LRP1B: variants seen among roughly 807,000 people sequenced by gnomAD.
LRP1B encodes LDL receptor related protein 1B.
LRP1B carries 217 observed loss-of-function variants against 556.6 expected under a neutral mutation model. The observed-to-expected ratio is 0.39, with a 90% CI of 0.35 to 0.44. The LOEUF is 0.44. LRP1B is among the 20% of genes least tolerant of loss of function. The pLI is 1.00. For synonymous variants in LRP1B, 2,047 were observed against 1,865.8 expected, an observed-to-expected ratio of 1.10 and a Z score of -2.50; for missense variants, 5,053 against 5,620.8, an observed-to-expected ratio of 0.90 and a Z score of 3.23.
chr2:140,542,013 A>G, intron 43 of LRP1B, 42 bp from the exon 44 acceptor site: 3 of 1,395,828 alleles, frequency 2.1e-6, no homozygotes, highest in Middle Eastern at 2.0e-4. Context: ...ATGAATATAT[A>G]GACATTTATA....
At chr2:141,966,734 A>G (rs1701576675) in intron 1 of LRP1B, among the ~76,000 whole-genome samples, 1 of 151,776 alleles carries the variant, frequency 6.6e-6, no homozygotes, top group Non-Finnish European at 1.5e-5. Flanking sequence ...CCTGGAATCT[A>G]CCTGACTCTA....
chr2:140,364,748 T>C lies in LRP1B; in HGVS notation c.11044A>G (p.Asn3682Asp), dbSNP rs772395849. ...NICRADEFLC[N>D]NSLCKLHFWV... ...AAATGTAGTTTGCAGAGAGAATTAT[T>C]GCAAAGGAACTCATCAGCTCTACAT... Residue 3682 changes from asparagine to aspartate, a missense_variant, in exon 72 of 91, where the codon AAT (asparagine) becomes GAT (aspartate). Around this residue, in one of 5 missense-constraint regions of LRP1B, gnomAD observed 599 missense variants for 648.4 expected, o/e 0.92. Transcript: ENST00000389484. 6.2e-7 allele frequency: 1 copy of C among 1,610,278 alleles called. No homozygotes were observed. Among genetic ancestry groups the C allele is most frequent in the Non-Finnish European group, 8.5e-7 (1 of 1,177,414 alleles).
intron 1 of LRP1B, among the ~76,000 whole-genome samples, chr2:141,958,669 C>T (rs1701328345): frequency 6.6e-6 from 1 of 151,744 alleles, no homozygotes; most frequent in African/African-American, 2.4e-5. Flanking sequence ...AAGGCAAAAT[C>T]AGAATAAAGT....
At chr2:142,075,810 A>G (rs1292281875) in intron 1 of LRP1B, among the ~76,000 whole-genome samples, 1 of 152,116 alleles carries the variant, frequency 6.6e-6, no homozygotes, top group Non-Finnish European at 1.5e-5. Context: ...AGGGAAGTTC[A>G]GGGCAAAGCA....
In LRP1B at chr2:140,787,278, T is replaced by A. The variant is rs569454758; in HGVS notation, c.5360-11040A>T. Among the ~76,000 whole-genome samples, 8 of 152,318 alleles carry A rather than the reference T, an allele frequency of 5.3e-5. No homozygotes were observed. The South Asian group carries it at 1.7e-3, about 32-fold the overall frequency. On this transcript the variant is annotated intron_variant, in intron 32 of 90. Transcript: ENST00000389484. ...AAAGGATAAATCCCAAACATCTCTG[T>A]GCCATTTTGTGCTGGCCTCAATTTA...
chr2:141,844,484 G>C (rs1357778451), intron 1 of LRP1B, among the ~76,000 whole-genome samples: 1 of 152,050 alleles, frequency 6.6e-6, no homozygotes, highest in African/African-American at 2.4e-5. Context: ...TGACAGAGTG[G>C]CAGTTTTTGT....
chr2:141,831,755 A>T (rs1049810022), intron 1 of LRP1B, among the ~76,000 whole-genome samples: 1 of 151,692 alleles, frequency 6.6e-6, no homozygotes, highest in African/African-American at 2.4e-5. Context: ...ATATAGTATT[A>T]TATACAAATT....
intron 2 of LRP1B, among the ~76,000 whole-genome samples, chr2:141,620,460 T>C (rs1339332979): frequency 6.6e-6 from 1 of 152,218 alleles, no homozygotes; most frequent in Non-Finnish European, 1.5e-5. Flanking sequence ...AAACCATGAA[T>C]TAAATAGAAA....
intron 15 of LRP1B, among the ~76,000 whole-genome samples, chr2:141,002,627 G>A (rs1697459210): frequency 6.6e-6 from 1 of 151,940 alleles, no homozygotes; most frequent in African/African-American, 2.4e-5. Context: ...TATTGCTTAG[G>A]AAATAATTAC....
chr2:142,128,857 T>G (rs1431828624), intron 1 of LRP1B, among the ~76,000 whole-genome samples: 1 of 152,248 alleles, frequency 6.6e-6, no homozygotes, highest in African/African-American at 2.4e-5. Flanking sequence ...TTATTTAATA[T>G]TCTATCTCAG....
intron 2 of LRP1B, among the ~76,000 whole-genome samples, chr2:141,741,034 G>T (rs1008721584): frequency 6.6e-6 from 1 of 151,946 alleles, no homozygotes; most frequent in African/African-American, 2.4e-5. Context: ...GTCTTTTTGC[G>T]CCTGCCTTAT....
intron 66 of LRP1B, among the ~76,000 whole-genome samples, chr2:140,398,031 C>T (rs2105222247): frequency 6.6e-6 from 1 of 152,136 alleles, no homozygotes; most frequent in Admixed American, 6.6e-5. Context: ...TAAGATGAAG[C>T]TTTAAACTTA....
intron 1 of LRP1B, among the ~76,000 whole-genome samples, chr2:141,814,193 A>C (rs1489026804): frequency 1.3e-5 from 2 of 152,192 alleles, no homozygotes; most frequent in Non-Finnish European, 2.9e-5. Flanking sequence ...AGGCACCAAA[A>C]GGAGAGAAAT....
At position 141,718,185 on chromosome 2, in the gene LRP1B, A is replaced by G. The variant is rs1177452841; in HGVS notation, c.205+92094T>C. On this transcript the variant is annotated intron_variant, in intron 2 of 90. Coordinates refer to ENST00000389484, the MANE Select transcript of LRP1B (RefSeq NM_018557.3). The stretch of plus-strand genomic sequence containing the variant: ...AGCTTTTCAGGGTGAAAGCAGAAAC[A>G]TGCTCCATTGACAGCAAACTTATAA... Among the ~76,000 whole-genome samples the G allele has an allele frequency of 2.0e-5, 3 of 152,190 alleles. No homozygotes were observed. In the East Asian group the frequency reaches 5.8e-4, roughly 29 times the overall value.
chr2:141,155,441 C>T (rs979649608), intron 7 of LRP1B, among the ~76,000 whole-genome samples: 4 of 150,818 alleles, frequency 2.7e-5, no homozygotes, highest in Non-Finnish European at 5.9e-5. Flanking sequence ...CAAGGGGGTA[C>T]ACTTCTAATT....
At chr2:141,365,943 G>C (rs1482777212) in intron 3 of LRP1B, among the ~76,000 whole-genome samples, 2 of 152,000 alleles carry the variant, frequency 1.3e-5, no homozygotes, top group Non-Finnish European at 2.9e-5. Context: ...AAAGTGCCAG[G>C]ATTACAGGCA....
At chr2:141,940,674 A>G (rs1574512072) in intron 1 of LRP1B, among the ~76,000 whole-genome samples, 1 of 152,300 alleles carries the variant, frequency 6.6e-6, no homozygotes, top group East Asian at 1.9e-4. Context: ...CTTTTACTCT[A>G]GTGTAATAAA....
At chr2:141,991,036 A>G (rs183049170) in intron 1 of LRP1B, among the ~76,000 whole-genome samples, 26 of 152,132 alleles carry the variant, frequency 1.7e-4, no homozygotes, top group African/African-American at 6.0e-4. Flanking sequence ...CAGAGTAAAT[A>G]TTCTAGATGG....
chr2:141,353,037 G>A (rs2683826), intron 3 of LRP1B, among the ~76,000 whole-genome samples: 87,181 of 151,700 alleles, frequency 0.57, 25,806 homozygotes, highest in Non-Finnish European at 0.62. Context: ...CTGGTTATAG[G>A]TTATAGAGAA....
Sources: allele counts gnomAD v4.1 joint callset (sites outside exome capture counted in the v4.1 genomes callset), GRCh38; gene constraint gnomAD v4.1.1; regional missense constraint gnomAD v4.1.1; transcripts MANE v1.5; gene names NCBI Gene and HGNC (gene_info 2026-07-23, HGNC 2026-07-21).